SRRM3: variants seen among roughly 807,000 people sequenced by gnomAD.
The protein encoded by SRRM3 is serine/arginine repetitive matrix 3.
A neutral mutation model predicts 66.2 loss-of-function variants in SRRM3; 27 were observed. The observed-to-expected ratio is 0.41, with a 90% CI of 0.30 to 0.56. The LOEUF (loss-of-function observed/expected upper bound fraction) is 0.56, where lower values mean the gene tolerates loss of function less well. Ranked by LOEUF, SRRM3 falls within the 20% of genes least tolerant of loss-of-function variation. The probability of loss-of-function intolerance (pLI) is 0.32; values close to 1 mark genes in which losing one functional copy is unlikely to be tolerated. For synonymous variants in SRRM3, 391 were observed against 414.9 expected, an observed-to-expected ratio of 0.94 and a Z score of 0.70; for missense variants, 918 against 991.9, an observed-to-expected ratio of 0.93 and a Z score of 1.00.
intron 11 of SRRM3, among the ~76,000 whole-genome samples, chr7:76,273,889 C>T (rs1554610793): frequency 6.6e-6 from 1 of 152,190 alleles, no homozygotes; most frequent in Non-Finnish European, 1.5e-5. Context: ...CTCCTTCTTC[C>T]TCTCCATCCC....
chr7:76,263,279 C>T (rs1801926712), intron 8 of SRRM3, among the ~76,000 whole-genome samples: 1 of 152,198 alleles, frequency 6.6e-6, no homozygotes, highest in Admixed American at 6.5e-5. Context: ...CGGGCCTTCC[C>T]CGCAGTCACT....
At chr7:76,227,539 C>A (rs1162477527) in intron 1 of SRRM3, among the ~76,000 whole-genome samples, 1 of 152,228 alleles carries the variant, frequency 6.6e-6, no homozygotes, top group African/African-American at 2.4e-5. Flanking sequence ...CTGGCTCTGG[C>A]AGCCCTGCCT....
chr7:76,254,436 A>C (rs1385352302), intron 3 of SRRM3, among the ~76,000 whole-genome samples: 2 of 152,122 alleles, frequency 1.3e-5, no homozygotes, highest in Non-Finnish European at 2.9e-5. Flanking sequence ...CTCCTGCCTC[A>C]GCCTCCTGAG....
At chr7:76,213,989 G>A (rs1800497667) in intron 1 of SRRM3, among the ~76,000 whole-genome samples, 1 of 151,926 alleles carries the variant, frequency 6.6e-6, no homozygotes, top group African/African-American at 2.4e-5. Context: ...ATGTAGCCCA[G>A]GCTGGTCTTG....
At chr7:76,208,695 C>T (rs1554601381) in intron 1 of SRRM3, among the ~76,000 whole-genome samples, 1 of 151,704 alleles carries the variant, frequency 6.6e-6, no homozygotes, top group Non-Finnish European at 1.5e-5. Context: ...ATTAGCCAGG[C>T]CTGGTGGAGG....
At chr7:76,283,681 G>A (rs1802590330) in intron 14 of SRRM3, 6 of 744,070 alleles carry the variant, frequency 8.1e-6, no homozygotes, top group Non-Finnish European at 1.2e-5. Flanking sequence ...TTGGAGGAGG[G>A]GGCACAGCAG....
chr7:76,250,589 C>G (rs781861721), intron 3 of SRRM3, among the ~76,000 whole-genome samples: 1 of 152,090 alleles, frequency 6.6e-6, no homozygotes, highest in Non-Finnish European at 1.5e-5. Flanking sequence ...CAATAGGAAA[C>G]GGGGAAACCC....
At chr7:76,240,179 CAATAATAAT>C (rs781843298) in intron 2 of SRRM3, among the ~76,000 whole-genome samples, 1 of 148,794 alleles carries the variant, frequency 6.7e-6, no homozygotes, top group Non-Finnish European at 1.5e-5. Context: ...ATAATAATAA[CAATAATAAT>C]AATAATAATA....
intron 8 of SRRM3, among the ~76,000 whole-genome samples, chr7:76,264,085 CA>C (rs1801949968): frequency 6.6e-6 from 1 of 150,622 alleles, no homozygotes. Flanking sequence ...TACCAAAAGA[CA>C]AGAGCAAATC....
At chr7:76,250,049 T>A (rs950122924) in intron 3 of SRRM3, among the ~76,000 whole-genome samples, 6 of 151,606 alleles carry the variant, frequency 4.0e-5, no homozygotes, top group Admixed American at 3.9e-4. Context: ...TTATTTATTT[T>A]TATTTATTTT....
chr7:76,251,510 G>C (rs1340615801), intron 3 of SRRM3, among the ~76,000 whole-genome samples: 1 of 152,116 alleles, frequency 6.6e-6, no homozygotes, highest in Non-Finnish European at 1.5e-5. Context: ...CAACAGCTGG[G>C]ACTACAGGCG....
chr7:76,234,244 C>T (rs1801085175), intron 1 of SRRM3, among the ~76,000 whole-genome samples: 3 of 149,876 alleles, frequency 2.0e-5, no homozygotes, highest in Admixed American at 6.6e-5. Context: ...TTTGGAGGGC[C>T]TAGCATGGAG....
At chr7:76,262,263 T>A (rs1014217801) in intron 8 of SRRM3, among the ~76,000 whole-genome samples, 3 of 151,864 alleles carry the variant, frequency 2.0e-5, no homozygotes, top group Non-Finnish European at 4.4e-5. Flanking sequence ...CCCAGCACTG[T>A]GGGAGGCTGA....
intron 2 of SRRM3, among the ~76,000 whole-genome samples, chr7:76,241,888 T>C (rs1801306613): frequency 6.6e-6 from 1 of 152,230 alleles, no homozygotes; most frequent in African/African-American, 2.4e-5. Context: ...TTAGCCCACT[T>C]TGCATTGCTC....
intron 5 of SRRM3, among the ~76,000 whole-genome samples, chr7:76,260,659 T>C (rs1554608553): frequency 6.6e-6 from 1 of 151,558 alleles, no homozygotes; most frequent in African/African-American, 2.4e-5. Context: ...GGCCCGTGTG[T>C]TACCAGCACC....
Position 76,235,222 on chromosome 7 carries a change from C to G in SRRM3, c.156C>G (p.Arg52=). Residue 52 remains arginine, a synonymous_variant, in exon 2 of 15, where the codon CGC becomes CGG. Transcript: ENST00000611745. The stretch of plus-strand genomic sequence containing the variant: ...CGGGCCTGGTGAAGCGCGCGCACCG[C>G]GAGATCCTGGACCACGAGCGCAAGC... The part of the protein sequence containing the change: ...AEPGLVKRAH[R]EILDHERKRR... 6.4e-7 allele frequency: 1 copy of G among 1,554,090 alleles called. No individual in the cohort carries two copies. Among genetic ancestry groups the G allele is most frequent in the Non-Finnish European group, 8.6e-7 (1 of 1,158,496 alleles).
chr7:76,252,254 C>A (rs1042400885), intron 3 of SRRM3, among the ~76,000 whole-genome samples: 2 of 152,154 alleles, frequency 1.3e-5, no homozygotes, highest in South Asian at 2.1e-4. Flanking sequence ...GGTCAGCCAG[C>A]GCATTCAAGG....
chr7:76,204,010 A>G (rs188647586), intron 1 of SRRM3, among the ~76,000 whole-genome samples: 1 of 152,168 alleles, frequency 6.6e-6, no homozygotes, highest in East Asian at 1.9e-4. Flanking sequence ...ACACCTGCCA[A>G]AGGGGGGGTC....
chr7:76,262,179 G>C (rs1159095864), intron 8 of SRRM3, among the ~76,000 whole-genome samples: 3 of 152,064 alleles, frequency 2.0e-5, no homozygotes, highest in South Asian at 2.1e-4. Flanking sequence ...TGGAGGCAGA[G>C]TGGTGCAGGA....
Sources: allele counts gnomAD v4.1 joint callset (sites outside exome capture counted in the v4.1 genomes callset), GRCh38; gene constraint gnomAD v4.1.1; transcripts MANE v1.5; gene names NCBI Gene and HGNC (gene_info 2026-07-23, HGNC 2026-07-21).